Variants in PPP3CC observed in about 807,000 individuals in gnomAD.
PPP3CC encodes serine/threonine-protein phosphatase 2B catalytic subunit gamma isoform.
In PPP3CC, 35 loss-of-function variants were observed where a neutral mutation model predicts 60.3. The ratio of observed to expected loss-of-function variants is 0.58; its 90% CI spans 0.44 to 0.77. PPP3CC has a LOEUF of 0.77. PPP3CC is among the 30% of genes least tolerant of loss of function. The pLI is 0.00. For synonymous variants in PPP3CC, 206 were observed against 224.3 expected (o/e 0.92, Z 0.73); for missense variants, 570 against 628.9 (o/e 0.91, Z 1.00).
chr8:22,469,955 C>T (rs917122817), intron 1 of PPP3CC, among the ~76,000 whole-genome samples: 3 of 118,914 alleles, frequency 2.5e-5, no homozygotes, highest in Non-Finnish European at 5.0e-5. Flanking sequence ...TAAAGATTTG[C>T]TCAAAGACAT....
chr8:22,467,342 T>C (rs1459271453), intron 1 of PPP3CC, among the ~76,000 whole-genome samples: 1 of 152,236 alleles, frequency 6.6e-6, no homozygotes, highest in East Asian at 1.9e-4. Context: ...AGGATACTTT[T>C]CGATCATAGT....
chr8:22,444,684 G>A (rs552938902), intron 1 of PPP3CC, among the ~76,000 whole-genome samples: 2 of 152,264 alleles, frequency 1.3e-5, no homozygotes, highest in South Asian at 4.1e-4. Context: ...TTTATTGAGT[G>A]CCATCTGCAA....
intron 13 of PPP3CC, among the ~76,000 whole-genome samples, chr8:22,540,098 T>C (rs1839926428): frequency 1.3e-5 from 2 of 152,244 alleles, no homozygotes; most frequent in African/African-American, 4.8e-5. Context: ...GAAGCTATTT[T>C]TAAGTTTTTA....
chr8:22,463,889 C>T (rs1256588595), intron 1 of PPP3CC, among the ~76,000 whole-genome samples: 1 of 151,602 alleles, frequency 6.6e-6, no homozygotes, highest in Non-Finnish European at 1.5e-5. Context: ...TGGATTCAAG[C>T]AATTCTCCTG....
chr8:22,494,052 G>A (rs1003923278), intron 3 of PPP3CC, among the ~76,000 whole-genome samples: 4 of 152,120 alleles, frequency 2.6e-5, no homozygotes, highest in African/African-American at 9.7e-5. Context: ...TGGGACCATT[G>A]TCCTGTATGT....
intron 1 of PPP3CC, among the ~76,000 whole-genome samples, chr8:22,452,240 A>T (rs1333994108): frequency 1.3e-5 from 2 of 151,884 alleles, no homozygotes; most frequent in Non-Finnish European, 2.9e-5. Context: ...GGGTCTTGCT[A>T]TGTTGCCCAG....
chr8:22,536,501 G>A (rs1839847472), intron 12 of PPP3CC, among the ~76,000 whole-genome samples: 1 of 152,206 alleles, frequency 6.6e-6, no homozygotes, highest in Non-Finnish European at 1.5e-5. Flanking sequence ...ATGTTATTTG[G>A]AAATTTGTTT....
chr8:22,458,479 T>C (rs1837272919), intron 1 of PPP3CC, among the ~76,000 whole-genome samples: 2 of 151,984 alleles, frequency 1.3e-5, no homozygotes, highest in Admixed American at 6.5e-5. Context: ...TCAACTGTAA[T>C]CCTAGCTACT....
intron 6 of PPP3CC, among the ~76,000 whole-genome samples, chr8:22,517,470 C>T (rs1205516502): frequency 2.0e-5 from 3 of 152,060 alleles, no homozygotes; most frequent in African/African-American, 7.2e-5. Flanking sequence ...ATAGAATTCA[C>T]CCATGAAACC....
intron 10 of PPP3CC, among the ~76,000 whole-genome samples, chr8:22,529,860 G>A (rs1289198672): frequency 6.6e-6 from 1 of 152,078 alleles, no homozygotes; most frequent in East Asian, 1.9e-4. Flanking sequence ...ATGTAGCCAA[G>A]TACTTTTTTT....
In PPP3CC at chr8:22,513,366, A is replaced by C; in HGVS notation, c.704A>C (p.Tyr235Ser). 1 of 1,613,962 alleles carries C rather than the reference A, an allele frequency of 6.2e-7. No individual in the cohort carries two copies. Among genetic ancestry groups the C allele is most frequent in the Non-Finnish European group, 8.5e-7 (1 of 1,179,942 alleles). Residue 235 changes from tyrosine (Y) to serine (S), a missense_variant, in exon 6 of 14, where the codon TAT becomes TCT. Physicochemically the swap from Tyr to Ser is moderately radical, Grantham distance 144 (BLOSUM62 -2). Transcript: ENST00000240139. ...DLLWSDPSED[Y>S]GNEKTLEHYT... is the part of the protein sequence containing the mutation. ...CTTTGGTCTGATCCCTCAGAGGATTATGGCAATGAGAAGACCTTGGAGCAC... is the reference window on the plus strand; with the variant it reads ...CTTTGGTCTGATCCCTCAGAGGATTCTGGCAATGAGAAGACCTTGGAGCAC...
chr8:22,514,609 C>T (rs1839189575), intron 6 of PPP3CC, among the ~76,000 whole-genome samples: 1 of 151,084 alleles, frequency 6.6e-6, no homozygotes, highest in African/African-American at 2.4e-5. Flanking sequence ...TCACCTCAAG[C>T]ATTTATCCTT....
At chr8:22,451,528 A>G (rs987371548) in intron 1 of PPP3CC, among the ~76,000 whole-genome samples, 3 of 152,200 alleles carry the variant, frequency 2.0e-5, no homozygotes, top group African/African-American at 7.2e-5. Context: ...AGATGACACC[A>G]CAAGTGGACA....
chr8:22,454,316 C>T (rs1022322876), intron 1 of PPP3CC, among the ~76,000 whole-genome samples: 20 of 152,204 alleles, frequency 1.3e-4, no homozygotes, highest in South Asian at 2.1e-4. Context: ...TCTACCTCCA[C>T]CTCCTGTCCC....
At position 22,528,480 on chromosome 8, in the gene PPP3CC, A is replaced by C. The variant is rs775394622; in HGVS notation, c.1070-26A>C. On this transcript the variant is annotated intron_variant, in intron 9 of 13. Transcript: ENST00000240139. ...AGAAAGTACCTCATTAATCGCGTAA[A>C]TTTTGGATTATTTTGTCTTACTTAG... 3.4e-6 allele frequency: 5 copies of C among 1,465,446 alleles called. No individual in the cohort carries two copies. The East Asian group carries it at 1.2e-4, about 35-fold the overall frequency. 90.8% of individuals were successfully genotyped at this position (1,465,446 alleles called of 1,614,324 possible).
intron 10 of PPP3CC, chr8:22,531,284 T>C (rs1205043703): frequency 6.5e-7 from 1 of 1,528,672 alleles, no homozygotes; most frequent in Non-Finnish European, 8.8e-7. Context: ...TGTTTCTTGG[T>C]GTTTCTTCTC....
At chr8:22,526,731 A>G (rs761756981) in intron 8 of PPP3CC, among the ~76,000 whole-genome samples, 6 of 152,254 alleles carry the variant, frequency 3.9e-5, no homozygotes, top group Non-Finnish European at 7.3e-5. Flanking sequence ...AAAGAAAATC[A>G]GTTTGGCATC....
chr8:22,464,238 A>G (rs1224856321), intron 1 of PPP3CC, among the ~76,000 whole-genome samples: 2 of 152,180 alleles, frequency 1.3e-5, no homozygotes, highest in African/African-American at 4.8e-5. Flanking sequence ...AATTCAGAGT[A>G]TGCCAAACAA....
At chr8:22,517,244 T>C (rs183975382) in intron 6 of PPP3CC, among the ~76,000 whole-genome samples, 91 of 152,362 alleles carry the variant, frequency 6.0e-4, no homozygotes, top group African/African-American at 1.6e-3. Context: ...TATAATACTT[T>C]TAGTATGTTG....
Sources: gnomAD v4.1 joint callset for allele counts (sites outside exome capture counted in the v4.1 genomes callset) on GRCh38, gnomAD v4.1.1 for gene constraint, MANE v1.5 for transcripts, NCBI Gene and HGNC (gene_info 2026-07-23, HGNC 2026-07-21) for gene names.